Variants in CNOT10 observed in about 807,000 individuals in gnomAD.
The protein encoded by CNOT10 is CCR4-NOT transcription complex, subunit 10.
A neutral mutation model predicts 94.6 loss-of-function variants in CNOT10; 30 were observed. The ratio of observed to expected loss-of-function variants is 0.32; its 90% CI spans 0.24 to 0.43. The LOEUF is 0.43. Among genes scored for constraint, CNOT10 ranks in the 20% least tolerant of loss-of-function variants. The pLI, the probability that CNOT10 is intolerant of heterozygous loss-of-function variation, is 1.00. For missense variants in CNOT10, 759 were observed against 877.2 expected (o/e 0.87, Z 1.70); for synonymous variants, 289 against 301.6 (o/e 0.96, Z 0.43).
At chr3:32,706,268 C>T (rs933899809) in intron 3 of CNOT10, among the ~76,000 whole-genome samples, 3 of 152,088 alleles carry the variant, frequency 2.0e-5, no homozygotes, top group Non-Finnish European at 4.4e-5. Context: ...CCCTATGACC[C>T]CATAGACAGT....
chr3:32,759,350 C>T, intron 13 of CNOT10, 108 bp from the exon 14 acceptor site: 1 of 721,724 alleles, frequency 1.4e-6, no homozygotes, highest in East Asian at 2.6e-5. Context: ...CTCCTCTTTC[C>T]TGGTGTCCAG....
Position 32,717,167 on chromosome 3 carries a change from C to G in CNOT10, c.674C>G (p.Ala225Gly). The G allele has an allele frequency of 1.9e-6, 3 of 1,601,678 alleles. No homozygotes were observed. The highest frequency in any genetic ancestry group is 1.7e-6 in the Non-Finnish European group (2 of 1,171,234). Residue 225 changes from alanine to glycine, a missense_variant, in exon 7 of 19, where the codon GCT (alanine) becomes GGT (glycine). Ala to Gly is a moderately conservative substitution (Grantham distance 60, BLOSUM62 0). Transcript: ENST00000328834. ...TCCCTTTGACAGTACAAAGTACGAG[C>G]TTATATCCAAATGAAGTCTCTGAAA... is the stretch of plus-strand genomic sequence containing the variant. ...KSKIHQYKVRAYIQMKSLKAC... is the reference protein window; with the variant it reads ...KSKIHQYKVRGYIQMKSLKAC...
chr3:32,753,666 G>T, intron 13 of CNOT10: 1 of 1,577,974 alleles, frequency 6.3e-7, no homozygotes, highest in Non-Finnish European at 8.7e-7. Flanking sequence ...CAAGAAATTG[G>T]GATAAATTAG....
chr3:32,733,191 C>G (rs72850475), intron 10 of CNOT10, among the ~76,000 whole-genome samples: 2,788 of 152,092 alleles, frequency 0.018, 93 homozygotes, highest in African/African-American at 0.064. Context: ...GGATTTTGTT[C>G]GTAGAATTTT....
intron 8 of CNOT10, among the ~76,000 whole-genome samples, chr3:32,722,915 G>A (rs916271143): frequency 2.6e-5 from 4 of 152,002 alleles, no homozygotes; most frequent in Admixed American, 6.6e-5. Flanking sequence ...GTGAGCCACC[G>A]AGCTCAGTCT....
At chr3:32,730,374 C>T (rs1386763987) in intron 10 of CNOT10, among the ~76,000 whole-genome samples, 1 of 151,462 alleles carries the variant, frequency 6.6e-6, no homozygotes, top group Non-Finnish European at 1.5e-5. Context: ...AATATGCTGC[C>T]AGTCCTGTTT....
At chr3:32,763,736 G>T (rs1469210917) in intron 15 of CNOT10, among the ~76,000 whole-genome samples, 1 of 152,148 alleles carries the variant, frequency 6.6e-6, no homozygotes, top group Non-Finnish European at 1.5e-5. Context: ...GTGGTGGGTG[G>T]TAGCATTCTG....
intron 3 of CNOT10, among the ~76,000 whole-genome samples, chr3:32,707,447 C>T (rs1193824647): frequency 6.6e-6 from 1 of 152,072 alleles, no homozygotes; most frequent in Admixed American, 6.6e-5. Context: ...AGCCCTATGG[C>T]CTTGGGCAAG....
At chr3:32,762,929 A>T in intron 15 of CNOT10, 66 bp downstream of exon 15, 1 of 1,433,692 alleles carries the variant, frequency 7.0e-7, no homozygotes, top group Non-Finnish European at 9.1e-7. Flanking sequence ...ATAATTCAGG[A>T]TGTGTGGAAA....
At chr3:32,768,506 C>G (rs1700750676) in intron 17 of CNOT10, among the ~76,000 whole-genome samples, 1 of 151,970 alleles carries the variant, frequency 6.6e-6, no homozygotes, top group Non-Finnish European at 1.5e-5. Context: ...TCGCTTGAAC[C>G]CAGGAGGCGG....
chr3:32,767,614 G>C (rs1446212287), intron 17 of CNOT10, among the ~76,000 whole-genome samples: 1 of 150,934 alleles, frequency 6.6e-6, no homozygotes, highest in East Asian at 1.9e-4. Flanking sequence ...GCTTTACCAT[G>C]TGAAAAATAA....
In CNOT10 at chr3:32,762,868, A is replaced by G. The variant is rs1343033632; in HGVS notation, c.1840+5A>G. 2 of 1,532,990 alleles carry G rather than the reference A, an allele frequency of 1.3e-6. No homozygotes were observed. Among genetic ancestry groups the G allele is most frequent in the Non-Finnish European group, 1.7e-6 (2 of 1,152,162 alleles). The allele number at this position is 1,532,990 out of a possible 1,614,324, so 95.0% of individuals were successfully genotyped here. ...CTTCAAATGAGCAGGACCAAGGTTA[A>G]TGAGGACATCTTTGATCAGAACTGG... On this transcript the variant is annotated splice_donor_5th_base_variant and intron_variant, in intron 15 of 18. Transcript: ENST00000328834.
At chr3:32,694,043 CA>C (rs1696954442) in intron 1 of CNOT10, among the ~76,000 whole-genome samples, 2 of 151,252 alleles carry the variant, frequency 1.3e-5, no homozygotes, top group African/African-American at 4.9e-5. Flanking sequence ...TGTTAAAATA[CA>C]AAAATTTTGT....
chr3:32,714,301 T>C (rs1698022810), intron 5 of CNOT10, among the ~76,000 whole-genome samples: 1 of 152,044 alleles, frequency 6.6e-6, no homozygotes, highest in Non-Finnish European at 1.5e-5. Context: ...ATATATGAGC[T>C]ATTATTTTTA....
intron 10 of CNOT10, among the ~76,000 whole-genome samples, chr3:32,728,746 C>T (rs537004082): frequency 6.6e-6 from 1 of 152,116 alleles, no homozygotes; most frequent in Non-Finnish European, 1.5e-5. Context: ...GCTAGCTGCT[C>T]CAGGGGTCAG....
chr3:32,693,386 T>G (rs2125493694), intron 1 of CNOT10: 1 of 151,042 alleles, frequency 6.6e-6, no homozygotes. Context: ...CTGGCCAGTT[T>G]TTCTGTTTTT....
At position 32,716,303 on chromosome 3, in the gene CNOT10, A is replaced by C. The variant is rs372082520; in HGVS notation, c.652A>C (p.Ile218Leu). ...GALIEAAKSKIHQYKVRAYIQ... is the reference protein window; with the variant it reads ...GALIEAAKSKLHQYKVRAYIQ... Reference sequence around the variant, plus strand: ...TCTAATAGAAGCTGCAAAATCAAAGATACATCAGGTAGTATAAATTTTAAA... The same window carrying C: ...TCTAATAGAAGCTGCAAAATCAAAGCTACATCAGGTAGTATAAATTTTAAA... The change falls in exon 6 of 19, where the codon ATA (isoleucine) becomes CTA (leucine). Residue 218 changes from isoleucine (I) to leucine (L), a missense_variant. Physicochemically the swap from Ile to Leu is conservative, Grantham distance 5. Coordinates refer to ENST00000328834, the MANE Select transcript of CNOT10 (RefSeq NM_015442.3). The C allele has an allele frequency of 3.7e-5, 58 of 1,566,820 alleles. No individual in the cohort carries two copies. Among genetic ancestry groups the C allele is most frequent in the Non-Finnish European group, 4.4e-5 (50 of 1,142,758 alleles).
rs201119069 is a variant in CNOT10, at chr3:32,687,439, G to GTTTTTTTTTTTT, written c.22+1958_22+1969dup. On this transcript the variant is annotated intron_variant, in intron 1 of 18. Coordinates refer to ENST00000328834, the MANE Select transcript of CNOT10 (RefSeq NM_015442.3). ...TTCTTTCTCCTTTTAAGTCCTCACG[G>GTTTTTTTTTTTT]TTTTTTTTTTTTGTTTTTTTTTTTT... Among the ~76,000 whole-genome samples the GTTTTTTTTTTTT allele has an allele frequency of 1.8e-3, 92 of 51,252 alleles. 4 individuals are homozygous for GTTTTTTTTTTTT. Among genetic ancestry groups the GTTTTTTTTTTTT allele is most frequent in the South Asian group, 2.3e-3 (2 of 884 alleles). The allele number at this position is 51,252 out of a possible 152,430, so 33.6% of individuals were successfully genotyped here. A position where few individuals can be genotyped will look rare whatever the true frequency, so the allele number is the denominator to read the frequency against.
intron 4 of CNOT10, among the ~76,000 whole-genome samples, chr3:32,712,708 A>G (rs184957174): frequency 2.0e-5 from 3 of 152,210 alleles, no homozygotes; most frequent in Admixed American, 2.0e-4. Flanking sequence ...GCATGGTGAC[A>G]CATGTTTGTG....
Sources: allele counts gnomAD v4.1 joint callset (sites outside exome capture counted in the v4.1 genomes callset), GRCh38; gene constraint gnomAD v4.1.1; transcripts MANE v1.5; gene names NCBI Gene and HGNC (gene_info 2026-07-23, HGNC 2026-07-21).